Variants in PTPRS observed in about 807,000 individuals in gnomAD.
The protein encoded by PTPRS is protein tyrosine phosphatase receptor type S, also known as receptor-type tyrosine-protein phosphatase S.
In PTPRS, 63 loss-of-function variants were observed where a neutral mutation model predicts 215.3. The observed-to-expected ratio is 0.29, with a 90% CI of 0.24 to 0.36. PTPRS has a LOEUF of 0.36. Ranked by LOEUF, PTPRS falls within the 10% of genes least tolerant of loss-of-function variation. PTPRS has a pLI of 1.00. For synonymous variants in PTPRS, 1,404 were observed against 1,191.4 expected, an observed-to-expected ratio of 1.18 and a Z score of -3.68; for missense variants, 2,258 against 2,825.8, an observed-to-expected ratio of 0.80 and a Z score of 4.56.
chr19:5,212,368 G>A lies in PTPRS; in HGVS notation c.4738C>T (p.Pro1580Ser), dbSNP rs1237948621. Residue 1580 changes from proline (P) to serine (S), a missense_variant, in exon 31 of 38, where the codon CCA becomes TCA. Transcript: ENST00000262963. Reference sequence around the variant, plus strand: ...TGAACCACGATGGGGCCGGCATCTGGCGGGTTGCAGGTCTTGACTCTCCGC... The same window carrying A: ...TGAACCACGATGGGGCCGGCATCTGACGGGTTGCAGGTCTTGACTCTCCGC... The part of the protein sequence containing the change: ...FLRRVKTCNP[P>S]DAGPIVVHCS... 1 of 1,611,030 alleles carries A rather than the reference G, an allele frequency of 6.2e-7. No homozygotes were observed. Among genetic ancestry groups the A allele is most frequent in the Non-Finnish European group, 8.5e-7 (1 of 1,178,646 alleles).
intron 16 of PTPRS, among the ~76,000 whole-genome samples, chr19:5,228,318 C>T (rs118190069): frequency 0.084 from 10,569 of 125,916 alleles, 501 homozygotes; most frequent in Middle Eastern, 0.16. Context: ...GTACTCCAGC[C>T]CGGGCGATAG....
chr19:5,286,255 T>C, intron 1 of PTPRS, 21 bp from the exon 2 acceptor site: 1 of 1,167,790 alleles, frequency 8.6e-7, no homozygotes, highest in Non-Finnish European at 1.2e-6. Flanking sequence ...AATGGAGGGC[T>C]GTGAGAGGCG....
intron 4 of PTPRS, among the ~76,000 whole-genome samples, chr19:5,269,877 C>T (rs1265560517): frequency 6.8e-6 from 1 of 147,532 alleles, no homozygotes; most frequent in East Asian, 2.0e-4. Flanking sequence ...GCCAAGATCA[C>T]GCCATTGCAC....
chr19:5,330,405 G>C (rs773033411), intron 1 of PTPRS, among the ~76,000 whole-genome samples: 1 of 152,234 alleles, frequency 6.6e-6, no homozygotes, highest in African/African-American at 2.4e-5. Context: ...ACTGGTACTG[G>C]TGGCGGAGCA....
intron 1 of PTPRS, among the ~76,000 whole-genome samples, chr19:5,333,288 T>C (rs2050385177): frequency 6.6e-6 from 1 of 150,842 alleles, no homozygotes; most frequent in African/African-American, 2.4e-5. Context: ...CTGAGCAATA[T>C]GGTGAAACCC....
intron 1 of PTPRS, among the ~76,000 whole-genome samples, chr19:5,302,675 C>A (rs1256103364): frequency 6.6e-6 from 1 of 152,140 alleles, no homozygotes; most frequent in Non-Finnish European, 1.5e-5. Flanking sequence ...GGAGTCATTG[C>A]TGGTGTGTGC....
chr19:5,290,810 C>T (rs916831718), intron 1 of PTPRS, among the ~76,000 whole-genome samples: 59 of 151,910 alleles, frequency 3.9e-4, no homozygotes, highest in Non-Finnish European at 7.4e-5. Context: ...CACATCCACC[C>T]CCCACCCACA....
chr19:5,287,970 A>G lies in PTPRS; in HGVS notation c.-94-1736T>C, dbSNP rs1296579215. Among the ~76,000 whole-genome samples, 86 of 28,230 alleles carry G rather than the reference A, an allele frequency of 3.0e-3. No homozygotes were observed. Among genetic ancestry groups the G allele is most frequent in the African/African-American group, 0.015 (74 of 5,068 alleles). The allele number at this position is 28,230 out of a possible 152,430, so 18.5% of individuals were successfully genotyped here. A position where few individuals can be genotyped will look rare whatever the true frequency, so the allele number is the denominator to read the frequency against. ...AGTCAGGCAGCAGAGACGGGCACACACACACACACACACACACACACACAC... is the reference window on the plus strand; with the variant it reads ...AGTCAGGCAGCAGAGACGGGCACACGCACACACACACACACACACACACAC... On this transcript the variant is annotated intron_variant, in intron 1 of 37. Transcript: ENST00000262963. This position sits in a 1 kb window ranked among gnomAD's most constrained non-coding sequence, Gnocchi z 4.8.
At chr19:5,249,844 C>T (rs1483145641) in intron 9 of PTPRS, among the ~76,000 whole-genome samples, 1 of 152,170 alleles carries the variant, frequency 6.6e-6, no homozygotes, top group Non-Finnish European at 1.5e-5. Context: ...AGGTTAAGTG[C>T]CAGGCCAATT....
At chr19:5,332,049 G>C (rs1162746344) in intron 1 of PTPRS, among the ~76,000 whole-genome samples, 1 of 152,098 alleles carries the variant, frequency 6.6e-6, no homozygotes, top group Non-Finnish European at 1.5e-5. Context: ...GTTGGGGAAG[G>C]GGTCAAAGTC....
intron 2 of PTPRS, among the ~76,000 whole-genome samples, chr19:5,285,193 T>G (rs1215277842): frequency 6.6e-6 from 1 of 152,152 alleles, no homozygotes; most frequent in East Asian, 1.9e-4. Context: ...GCTGAGCCAC[T>G]AGCCCGGGGT....
chr19:5,252,324 C>T (rs1438151179), intron 9 of PTPRS, among the ~76,000 whole-genome samples: 1 of 152,138 alleles, frequency 6.6e-6, no homozygotes, highest in Non-Finnish European at 1.5e-5. Context: ...CTCCTGCAAT[C>T]CCAGCACTTT....
chr19:5,293,921 A>AGAGGGAGAGGAG lies in PTPRS; in HGVS notation c.-94-7699_-94-7688dup, dbSNP rs1343933406. Among the ~76,000 whole-genome samples the AGAGGGAGAGGAG allele has an allele frequency of 6.6e-6, 1 of 152,180 alleles. No individual in the cohort carries two copies. Among genetic ancestry groups the AGAGGGAGAGGAG allele is most frequent in the African/African-American group, 2.4e-5 (1 of 41,452 alleles). The stretch of plus-strand genomic sequence containing the variant: ...CGTGCCAGGCCCGCGACACCGGAGC[A>AGAGGGAGAGGAG]GAGGGAGAGGAGGAGGGAGAGGGAG... On this transcript the variant is annotated intron_variant, in intron 1 of 37. Transcript: ENST00000262963. This position sits in a 1 kb window ranked among gnomAD's most constrained non-coding sequence, Gnocchi z 8.4.
At chr19:5,248,641 T>C (rs2044726083) in intron 9 of PTPRS, among the ~76,000 whole-genome samples, 1 of 152,232 alleles carries the variant, frequency 6.6e-6, no homozygotes, top group Non-Finnish European at 1.5e-5. Context: ...CTCAGTCCAC[T>C]TCTCGACACC....
intron 26 of PTPRS, among the ~76,000 whole-genome samples, chr19:5,216,098 G>A (rs866598248): frequency 2.6e-5 from 4 of 152,258 alleles, no homozygotes; most frequent in South Asian, 2.1e-4. Context: ...AGGTAGAGGC[G>A]ACAGACTAGG....
chr19:5,332,093 T>C (rs1359775851), intron 1 of PTPRS, among the ~76,000 whole-genome samples: 1 of 152,070 alleles, frequency 6.6e-6, no homozygotes, highest in East Asian at 1.9e-4. Flanking sequence ...CTGTGCCATG[T>C]TAAGATGTTT....
chr19:5,212,923 G>C lies in PTPRS; in HGVS notation c.4615-432C>G, dbSNP rs375661676. ...ACTTGGGCTCTAGCTGGCCCTGGACGGTTTCCAAGTAGAGTCTTGCGGACG... is the reference window on the plus strand; with the variant it reads ...ACTTGGGCTCTAGCTGGCCCTGGACCGTTTCCAAGTAGAGTCTTGCGGACG... On this transcript the variant is annotated intron_variant, in intron 30 of 37. Coordinates refer to ENST00000262963, the MANE Select transcript of PTPRS (RefSeq NM_002850.4). Among the ~76,000 whole-genome samples, 4 of 140,022 alleles carry C rather than the reference G, an allele frequency of 2.9e-5. No homozygotes were observed. In the East Asian group the frequency reaches 5.8e-4, roughly 20 times the overall value. 91.9% of individuals were successfully genotyped at this position (140,022 alleles called of 152,430 possible).
intron 9 of PTPRS, among the ~76,000 whole-genome samples, chr19:5,254,669 C>T (rs1170907267): frequency 6.6e-6 from 1 of 152,168 alleles, no homozygotes; most frequent in Non-Finnish European, 1.5e-5. Context: ...TGCTCAGGTA[C>T]TCAGAAAGTG....
intron 1 of PTPRS, among the ~76,000 whole-genome samples, chr19:5,307,959 G>A (rs1226091942): frequency 6.6e-6 from 1 of 152,094 alleles, no homozygotes; most frequent in African/African-American, 2.4e-5. Context: ...GAGATCATCC[G>A]GCCGGCAAAG....
Sources: gnomAD v4.1 joint callset for allele counts (sites outside exome capture counted in the v4.1 genomes callset) on GRCh38, gnomAD v4.1.1 for gene constraint, Gnocchi (gnomAD v3.1) non-coding constraint, MANE v1.5 for transcripts, NCBI Gene and HGNC (gene_info 2026-07-23, HGNC 2026-07-21) for gene names.